Variants in CMTM7 observed in about 807,000 individuals in gnomAD.
CMTM7 encodes the protein CKLF like MARVEL transmembrane domain containing 7.
In CMTM7, 7 loss-of-function variants were observed where a neutral mutation model predicts 19.3. The observed-to-expected ratio is 0.36, with a 90% CI of 0.21 to 0.68. The LOEUF (loss-of-function observed/expected upper bound fraction) is 0.68. CMTM7 is among the 30% of genes least tolerant of loss of function. The pLI is 0.60. For synonymous variants in CMTM7, 87 were observed against 99.3 expected (o/e 0.88, Z 0.74); for missense variants, 193 against 232.6 (o/e 0.83, Z 1.11).
intron 2 of CMTM7, among the ~76,000 whole-genome samples, chr3:32,446,068 A>C (rs1352701777): frequency 6.6e-6 from 1 of 152,144 alleles, no homozygotes; most frequent in African/African-American, 2.4e-5. Context: ...TTATCTTTTG[A>C]AAGAGTTTGT....
intron 1 of CMTM7, among the ~76,000 whole-genome samples, chr3:32,422,624 T>C (rs998311759): frequency 6.6e-5 from 10 of 152,246 alleles, no homozygotes; most frequent in African/African-American, 2.4e-4. Context: ...GTTGCCTGAC[T>C]GGGAAACCAG....
intron 1 of CMTM7, among the ~76,000 whole-genome samples, chr3:32,404,406 C>G (rs1006669590): frequency 6.6e-6 from 1 of 152,190 alleles, no homozygotes; most frequent in South Asian, 2.1e-4. Flanking sequence ...AGTAATCCCC[C>G]CTCCTTGGCC....
chr3:32,452,074 A>G, intron 3 of CMTM7: 1 of 1,385,134 alleles, frequency 7.2e-7, no homozygotes, highest in Non-Finnish European at 9.5e-7. Flanking sequence ...AGGATAATCA[A>G]AGTCCATTGG....
At chr3:32,431,244 A>T (rs1024688867) in intron 1 of CMTM7, among the ~76,000 whole-genome samples, 2 of 152,246 alleles carry the variant, frequency 1.3e-5, no homozygotes, top group East Asian at 1.9e-4. Context: ...AATAGTACGT[A>T]TGTGCTTGAA....
At chr3:32,450,925 C>T (rs1696820400) in intron 3 of CMTM7, 1 of 152,174 alleles carries the variant, frequency 6.6e-6, no homozygotes, top group Non-Finnish European at 1.5e-5. Context: ...AATATGGTCC[C>T]TGCTTATAAG....
At chr3:32,414,425 A>G (rs1696228216) in intron 1 of CMTM7, among the ~76,000 whole-genome samples, 1 of 152,144 alleles carries the variant, frequency 6.6e-6, no homozygotes, top group African/African-American at 2.4e-5. Context: ...TTACTTTAGG[A>G]AGAGGTGAAG....
chr3:32,434,845 T>C (rs1370299011), intron 1 of CMTM7, among the ~76,000 whole-genome samples: 1 of 152,010 alleles, frequency 6.6e-6, no homozygotes, highest in African/African-American at 2.4e-5. Flanking sequence ...ATGGAAGCAA[T>C]AGAAAATTAG....
Position 32,454,658 on chromosome 3 carries a change from A to G in CMTM7, c.*404A>G, listed in dbSNP as rs1007556039. ...GCCTTAAGAAACAAAGCCCTGTCCT[A>G]ATTTATCTAGCTTGTCAGTCCGGTC... is the stretch of plus-strand genomic sequence containing the variant. On this transcript the variant is annotated 3_prime_UTR_variant, in exon 5 of 5. Coordinates refer to ENST00000334983, the MANE Select transcript of CMTM7 (RefSeq NM_138410.4). The G allele has an allele frequency of 5.4e-6, 2 of 369,536 alleles. No homozygotes were observed. The highest frequency in any genetic ancestry group is 2.1e-5 in the African/African-American group (1 of 47,400). The allele number at this position is 369,536 out of a possible 1,614,324, so 22.9% of individuals were successfully genotyped here.
At chr3:32,441,198 T>G (rs924753746) in intron 1 of CMTM7, among the ~76,000 whole-genome samples, 1 of 152,182 alleles carries the variant, frequency 6.6e-6, no homozygotes, top group Non-Finnish European at 1.5e-5. Context: ...CAGACCTGGA[T>G]TCAAATCCCA....
intron 1 of CMTM7, among the ~76,000 whole-genome samples, chr3:32,416,392 T>C (rs1696265363): frequency 5.1e-5 from 5 of 98,022 alleles, no homozygotes; most frequent in Non-Finnish European, 1.0e-4. Flanking sequence ...TTTTTTTTTT[T>C]TTTTTGAGAC....
chr3:32,412,187 T>C (rs1696187605), intron 1 of CMTM7, among the ~76,000 whole-genome samples: 1 of 151,664 alleles, frequency 6.6e-6, no homozygotes, highest in Non-Finnish European at 1.5e-5. Context: ...ATACCTAAAT[T>C]AAAATATTCA....
At chr3:32,424,644 T>C (rs1696400343) in intron 1 of CMTM7, among the ~76,000 whole-genome samples, 1 of 151,762 alleles carries the variant, frequency 6.6e-6, no homozygotes, top group South Asian at 2.1e-4. Context: ...AAGGTTTTTT[T>C]TTTTTTTGCG....
intron 2 of CMTM7, among the ~76,000 whole-genome samples, chr3:32,442,486 C>T (rs1383723020): frequency 8.6e-5 from 9 of 105,036 alleles, no homozygotes; most frequent in African/African-American, 3.5e-4. Context: ...GGTGACAGAG[C>T]GAGACTCCTC....
At chr3:32,430,714 T>TGTGTGA (rs10634592) in intron 1 of CMTM7, among the ~76,000 whole-genome samples, 196 of 149,696 alleles carry the variant, frequency 1.3e-3, no homozygotes, top group African/African-American at 3.4e-3. Flanking sequence ...TGTGTGTGTG[T>TGTGTGA]GACACAGCTC....
At chr3:32,398,750 G>A (rs1460265896) in intron 1 of CMTM7, among the ~76,000 whole-genome samples, 12 of 151,914 alleles carry the variant, frequency 7.9e-5, no homozygotes, top group Non-Finnish European at 1.6e-4. Context: ...TTGGGAGGCC[G>A]AGGCGGGCGG....
At chr3:32,408,062 C>G (rs58377052) in intron 1 of CMTM7, among the ~76,000 whole-genome samples, 17,945 of 152,078 alleles carry the variant, frequency 0.12, 1,134 homozygotes, top group South Asian at 0.17. Context: ...ATGACAAGTG[C>G]CCTTGTAAGA....
chr3:32,416,362 T>TTTTTC (rs1559405682), intron 1 of CMTM7, among the ~76,000 whole-genome samples: 1 of 2,446 alleles, frequency 4.1e-4, no homozygotes, highest in Non-Finnish European at 9.5e-4. Context: ...TCCGGGCTAA[T>TTTTTC]TTTTTTTTTT....
At chr3:32,429,015 G>A (rs1213667896) in intron 1 of CMTM7, among the ~76,000 whole-genome samples, 2 of 152,230 alleles carry the variant, frequency 1.3e-5, no homozygotes, top group Admixed American at 6.5e-5. Flanking sequence ...TGGTCTGGCT[G>A]TGGTCAGAAT....
intron 1 of CMTM7, among the ~76,000 whole-genome samples, chr3:32,428,334 C>A (rs1236322209): frequency 6.6e-6 from 1 of 152,188 alleles, no homozygotes. Context: ...GGGCCACCTG[C>A]CTGACCTTGA....
Sources: gnomAD v4.1 joint callset for allele counts (sites outside exome capture counted in the v4.1 genomes callset) on GRCh38, gnomAD v4.1.1 for gene constraint, MANE v1.5 for transcripts, NCBI Gene and HGNC (gene_info 2026-07-23, HGNC 2026-07-21) for gene names.